RBFOX1: variants seen among roughly 807,000 people sequenced by gnomAD.
RBFOX1 encodes RNA binding protein fox-1 homolog 1.
Under a neutral mutation model 57.7 loss-of-function variants are expected in RBFOX1, and 8 were observed. That is an observed-to-expected ratio of 0.14 (90% CI 0.08 to 0.25). The LOEUF (loss-of-function observed/expected upper bound fraction) is 0.25. Ranked by LOEUF, RBFOX1 falls within the 10% of genes least tolerant of loss-of-function variation. The pLI, the probability that RBFOX1 is intolerant of heterozygous loss-of-function variation, is 1.00. For synonymous variants in RBFOX1, 326 were observed against 222.4 expected, an observed-to-expected ratio of 1.47 and a Z score of -4.15; for missense variants, 611 against 548.5, an observed-to-expected ratio of 1.11 and a Z score of -1.14.
intron 3 of RBFOX1, among the ~76,000 whole-genome samples, chr16:7,015,164 CAGT>C (rs1308878270): frequency 6.6e-6 from 1 of 152,132 alleles, no homozygotes; most frequent in African/African-American, 2.4e-5. Flanking sequence ...TAGTCACTCT[CAGT>C]AGTCTGGATT....
intron 3 of RBFOX1, among the ~76,000 whole-genome samples, chr16:5,692,753 A>C (rs1269116940): frequency 6.6e-6 from 1 of 152,006 alleles, no homozygotes; most frequent in East Asian, 1.9e-4. Flanking sequence ...ACCTGCCGGG[A>C]TCATCAGGAC....
upstream of RBFOX1, among the ~76,000 whole-genome samples, chr16:6,017,173 C>G (rs145433570): frequency 7.6e-3 from 1,152 of 152,260 alleles, 18 homozygotes; most frequent in African/African-American, 0.026. Flanking sequence ...GTAACAACAG[C>G]TGATGTTACT....
intron 2 of RBFOX1, among the ~76,000 whole-genome samples, chr16:5,487,112 C>T (rs1567152278): frequency 6.6e-6 from 1 of 152,188 alleles, no homozygotes; most frequent in South Asian, 2.1e-4. Context: ...GGCAAGCCCT[C>T]CGGGAGTTCT....
chr16:7,636,439 CGTGA>C (rs1165741142), intron 11 of RBFOX1, among the ~76,000 whole-genome samples: 1 of 152,196 alleles, frequency 6.6e-6, no homozygotes, highest in Non-Finnish European at 1.5e-5. Flanking sequence ...TCAGTTCACA[CGTGA>C]GTGACACTTG....
chr16:6,840,580 G>T (rs2093403167), intron 3 of RBFOX1, among the ~76,000 whole-genome samples: 1 of 151,996 alleles, frequency 6.6e-6, no homozygotes, highest in Non-Finnish European at 1.5e-5. Flanking sequence ...TCATGAATGG[G>T]ATTAGTGCCT....
At chr16:7,448,392 C>T (rs923248443) in intron 4 of RBFOX1, among the ~76,000 whole-genome samples, 1 of 152,140 alleles carries the variant, frequency 6.6e-6, no homozygotes, top group African/African-American at 2.4e-5. Flanking sequence ...CTGGGGAGAC[C>T]TCACAATCAT....
intron 2 of RBFOX1, among the ~76,000 whole-genome samples, chr16:6,581,958 A>G (rs1330296092): frequency 1.3e-5 from 2 of 152,214 alleles, no homozygotes; most frequent in Non-Finnish European, 2.9e-5. Flanking sequence ...TTTGCTTCCC[A>G]AAGGATATTG....
At chr16:6,059,649 G>C (rs1205401726) in intron 1 of RBFOX1, among the ~76,000 whole-genome samples, 1 of 152,118 alleles carries the variant, frequency 6.6e-6, no homozygotes, top group Non-Finnish European at 1.5e-5. Context: ...TATTCAAACT[G>C]AGCATCTCTC....
chr16:7,555,670 A>G (rs1032036719), intron 5 of RBFOX1, among the ~76,000 whole-genome samples: 1 of 152,108 alleles, frequency 6.6e-6, no homozygotes, highest in Non-Finnish European at 1.5e-5. Context: ...CTCACGCTTC[A>G]TCACTTTCTC....
intron 3 of RBFOX1, among the ~76,000 whole-genome samples, chr16:7,036,091 C>T (rs756636824): frequency 2.0e-5 from 3 of 152,092 alleles, no homozygotes; most frequent in Admixed American, 6.6e-5. Flanking sequence ...TCTTCAGATG[C>T]GAAAGTCAGA....
chr16:6,876,835 G>C (rs1415257700), intron 3 of RBFOX1, among the ~76,000 whole-genome samples: 1 of 152,130 alleles, frequency 6.6e-6, no homozygotes, highest in Non-Finnish European at 1.5e-5. Context: ...ATGGATTTCA[G>C]ATGTGAGCAA....
In RBFOX1 at chr16:5,658,805, ATATG is replaced by A. The variant is rs1421061020; in HGVS notation, c.318+59848_318+59851del. Among the ~76,000 whole-genome samples the A allele has an allele frequency of 1.1e-3, 162 of 145,958 alleles. 1 individual carries two copies. Among genetic ancestry groups the A allele is most frequent in the Middle Eastern group, 3.6e-3 (1 of 280 alleles). On this transcript the variant is annotated intron_variant, in intron 3 of 19. Coordinates refer to the RBFOX1 transcript ENST00000641259. ...ATGTATATATATAATATATGTGTATATATGTATATATAATATATGTATATATGTA... is the reference window on the plus strand; with the variant it reads ...ATGTATATATATAATATATGTGTATATATATATAATATATGTATATATGTA...
intron 1 of RBFOX1, among the ~76,000 whole-genome samples, chr16:6,139,743 GT>G (rs921939961): frequency 6.6e-6 from 1 of 151,958 alleles, no homozygotes; most frequent in African/African-American, 2.4e-5. Context: ...TTTCTTGGTC[GT>G]TTTTTTCTTG....
At chr16:5,408,015 C>T (rs925359408) in intron 1 of RBFOX1, among the ~76,000 whole-genome samples, 9 of 152,232 alleles carry the variant, frequency 5.9e-5, no homozygotes, top group Non-Finnish European at 1.0e-4. Context: ...GTGTCCTCCA[C>T]CTCCTGTGTG....
At chr16:5,262,083 T>A (rs1351497661) in intron 1 of RBFOX1, among the ~76,000 whole-genome samples, 2 of 152,242 alleles carry the variant, frequency 1.3e-5, no homozygotes, top group African/African-American at 4.8e-5. Context: ...TTTTGAGATA[T>A]CAGAGAAGGG....
chr16:5,988,640 C>T (rs1044061829), intron 4 of RBFOX1, among the ~76,000 whole-genome samples: 3 of 152,234 alleles, frequency 2.0e-5, no homozygotes, highest in South Asian at 2.1e-4. Context: ...CCTGTGAGCA[C>T]GTCCAAGACC....
intron 3 of RBFOX1, among the ~76,000 whole-genome samples, chr16:6,859,187 A>ACATATATGTATATATATG (rs1567593816): frequency 1.6e-5 from 1 of 64,010 alleles, no homozygotes; most frequent in African/African-American, 7.6e-5. Flanking sequence ...ATATATATGT[A>ACATATATGTATATATATG]TATATATATG....
At chr16:6,921,067 T>C (rs2074345630) in intron 3 of RBFOX1, among the ~76,000 whole-genome samples, 1 of 152,140 alleles carries the variant, frequency 6.6e-6, no homozygotes, top group African/African-American at 2.4e-5. Context: ...TCAGCAGGTG[T>C]TGGTTTGAGC....
chr16:7,384,783 C>T (rs2097849662), intron 4 of RBFOX1, among the ~76,000 whole-genome samples: 1 of 152,208 alleles, frequency 6.6e-6, no homozygotes, highest in Admixed American at 6.5e-5. Context: ...CCCTTCTCAG[C>T]CGCTGGGTAT....
Sources: allele counts gnomAD v4.1 joint callset (sites outside exome capture counted in the v4.1 genomes callset), GRCh38; gene constraint gnomAD v4.1.1; transcripts MANE v1.5; gene names NCBI Gene and HGNC (gene_info 2026-07-23, HGNC 2026-07-21).